SLC26A7: variants seen among roughly 807,000 people sequenced by gnomAD.
SLC26A7 encodes anion exchange transporter.
In SLC26A7, 59 loss-of-function variants were observed where a neutral mutation model predicts 82.5. That is an observed-to-expected ratio of 0.72 (90% CI 0.58 to 0.89). The LOEUF (loss-of-function observed/expected upper bound fraction) is 0.89. Ranked by LOEUF, SLC26A7 falls within the 40% of genes least tolerant of loss-of-function variation. SLC26A7 has a pLI of 0.00. For synonymous variants in SLC26A7, 271 were observed against 274.3 expected (o/e 0.99, Z 0.12); for missense variants, 820 against 793.0 (o/e 1.03, Z -0.41).
chr8:91,300,301 T>C (rs1423759248), intron 4 of SLC26A7, among the ~76,000 whole-genome samples: 2 of 152,220 alleles, frequency 1.3e-5, no homozygotes, highest in South Asian at 2.1e-4. Flanking sequence ...GTTTGTGTCT[T>C]TGAAAGCTAT....
chr8:91,362,642 TATTTAACAATGCTG>T (rs1254826596), intron 12 of SLC26A7, among the ~76,000 whole-genome samples, 183 bp downstream of exon 12: 5 of 152,060 alleles, frequency 3.3e-5, no homozygotes, highest in African/African-American at 1.2e-4. Flanking sequence ...CTGCATATGA[TATTTAACAATGCTG>T]ATCTTAATGA....
chr8:91,309,885 G>A (rs546969237), intron 4 of SLC26A7, among the ~76,000 whole-genome samples: 1 of 152,220 alleles, frequency 6.6e-6, no homozygotes, highest in African/African-American at 2.4e-5. Flanking sequence ...TGTGTTTACT[G>A]GAGTCATATG....
At chr8:91,228,538 G>T (rs1377648812) in intron 2 of SLC26A7, among the ~76,000 whole-genome samples, 7 of 152,186 alleles carry the variant, frequency 4.6e-5, no homozygotes, top group Non-Finnish European at 1.0e-4. Context: ...GCCTGGGGCA[G>T]GGGCTGCATG....
Position 91,249,640 on chromosome 8 carries a change from G to A in SLC26A7, c.-12G>A. On this transcript the variant is annotated 5_prime_UTR_variant, in exon 2 of 19. Coordinates refer to ENST00000276609, the MANE Select transcript of SLC26A7 (RefSeq NM_052832.4). ...TTAGAGAAGTTTACTTCTACAAGAA[G>A]AAATCTGAAAAATGACAGGAGCAAA... is the stretch of plus-strand genomic sequence containing the variant. 2.0e-6 allele frequency: 3 copies of A among 1,499,816 alleles called. No individual in the cohort carries two copies. Among genetic ancestry groups the A allele is most frequent in the Non-Finnish European group, 2.7e-6 (3 of 1,125,314 alleles). 92.9% of individuals were successfully genotyped at this position (1,499,816 alleles called of 1,614,324 possible).
chr8:91,364,238 T>C (rs1814128989), intron 13 of SLC26A7, among the ~76,000 whole-genome samples: 1 of 152,218 alleles, frequency 6.6e-6, no homozygotes, highest in Non-Finnish European at 1.5e-5. Context: ...TTGAACCTGC[T>C]TTGTAAATGT....
chr8:91,366,530 G>T (rs1419840324), intron 13 of SLC26A7, 50 bp from the exon 14 acceptor site: 17 of 1,579,822 alleles, frequency 1.1e-5, no homozygotes, highest in Non-Finnish European at 1.2e-5. Context: ...ATTGTTTATT[G>T]GCTATAATTT....
chr8:91,346,253 A>C (rs1813560823), intron 9 of SLC26A7, among the ~76,000 whole-genome samples: 1 of 152,110 alleles, frequency 6.6e-6, no homozygotes, highest in Admixed American at 6.6e-5. Flanking sequence ...TTTAATGTGC[A>C]TACTCAAATT....
At position 91,289,120 on chromosome 8, in the gene SLC26A7, C is replaced by G. The variant is rs1258729057; in HGVS notation, c.194-16C>G. ...GGGTTATAAGGTGGTTTTAATTACC[C>G]TAGTCTTCTTCACAGGATTGGCCTT... On this transcript the variant is annotated splice_polypyrimidine_tract_variant and intron_variant, in intron 2 of 18. Coordinates refer to ENST00000276609, the MANE Select transcript of SLC26A7 (RefSeq NM_052832.4). 1.3e-6 allele frequency: 2 copies of G among 1,582,708 alleles called. No homozygotes were observed. Among genetic ancestry groups the G allele is most frequent in the Admixed American group, 1.7e-5 (1 of 59,916 alleles).
chr8:91,322,722 C>T (rs1349198210), intron 5 of SLC26A7, among the ~76,000 whole-genome samples: 3 of 152,144 alleles, frequency 2.0e-5, no homozygotes, highest in Non-Finnish European at 2.9e-5. Context: ...TATATGAGCA[C>T]TGCTCTAAAT....
At chr8:91,355,213 T>C (rs912290434) in intron 11 of SLC26A7, among the ~76,000 whole-genome samples, 10 of 152,298 alleles carry the variant, frequency 6.6e-5, no homozygotes, top group African/African-American at 1.9e-4. Context: ...CAATGAAGTT[T>C]TTTCTTCTTA....
chr8:91,275,322 A>C (rs1016484648), intron 2 of SLC26A7, among the ~76,000 whole-genome samples: 1 of 152,172 alleles, frequency 6.6e-6, no homozygotes, highest in African/African-American at 2.4e-5. Flanking sequence ...TTTTTGAGAC[A>C]GTGTCTTGCT....
chr8:91,284,662 A>T (rs1811662785), intron 2 of SLC26A7, among the ~76,000 whole-genome samples: 1 of 152,140 alleles, frequency 6.6e-6, no homozygotes, highest in South Asian at 2.1e-4. Flanking sequence ...TGAAACTTTA[A>T]CTCTTACATC....
chr8:91,389,363 T>C lies in SLC26A7; in HGVS notation c.1701T>C (p.Asn567=). The C allele has an allele frequency of 6.2e-7, 1 of 1,610,506 alleles. No individual in the cohort carries two copies. Among genetic ancestry groups the C allele is most frequent in the East Asian group, 2.2e-5 (1 of 44,812 alleles). ...CNEEASQSCP[N]EKCYLILDCS... ...AAGAAGCTTCACAGTCCTGCCCTAA[T>C]GAGAAGTGTTATTTAATCCTGGATT... The change falls in exon 16 of 19, where the codon AAT becomes AAC. Residue 567 remains asparagine (N), a synonymous_variant. Transcript: ENST00000276609.
intron 2 of SLC26A7, among the ~76,000 whole-genome samples, chr8:91,222,936 G>T (rs952282845): frequency 6.6e-6 from 1 of 152,132 alleles, no homozygotes; most frequent in Non-Finnish European, 1.5e-5. Context: ...ATTTATGGTA[G>T]AATTCAGCTG....
chr8:91,246,006 T>C (rs907241068), upstream of SLC26A7, among the ~76,000 whole-genome samples: 2 of 152,178 alleles, frequency 1.3e-5, no homozygotes, highest in Non-Finnish European at 2.9e-5. Flanking sequence ...TTAGAAAAAA[T>C]AACTGTGTTG....
At chr8:91,336,794 A>G (rs1813256959) in intron 6 of SLC26A7, among the ~76,000 whole-genome samples, 1 of 152,136 alleles carries the variant, frequency 6.6e-6, no homozygotes, top group Non-Finnish European at 1.5e-5. Flanking sequence ...AGAGCACTTA[A>G]TTTTAATATT....
At chr8:91,357,116 T>C (rs1257801358) in intron 11 of SLC26A7, 1 of 152,194 alleles carries the variant, frequency 6.6e-6, no homozygotes, top group Non-Finnish European at 1.5e-5. Flanking sequence ...ATCAAATAAA[T>C]CTCTATGAGT....
chr8:91,268,092 A>G (rs1343298057), intron 2 of SLC26A7, among the ~76,000 whole-genome samples: 1 of 151,760 alleles, frequency 6.6e-6, no homozygotes, highest in East Asian at 1.9e-4. Flanking sequence ...TTTTTATTTC[A>G]TTTAGGTCAG....
chr8:91,344,238 A>G (rs2130846372), intron 9 of SLC26A7: 1 of 981,462 alleles, frequency 1.0e-6, no homozygotes, highest in Non-Finnish European at 1.2e-6. Context: ...TCTACATGAG[A>G]AAGTTGAGGG....
Sources: allele counts gnomAD v4.1 joint callset (sites outside exome capture counted in the v4.1 genomes callset), GRCh38; gene constraint gnomAD v4.1.1; transcripts MANE v1.5; gene names NCBI Gene and HGNC (gene_info 2026-07-23, HGNC 2026-07-21).